C10orf90: variants seen among roughly 807,000 people sequenced by gnomAD.
C10orf90 encodes (E2-independent) E3 ubiquitin-conjugating enzyme FATS.
C10orf90 carries 56 observed loss-of-function variants against 62.5 expected under a neutral mutation model. The observed-to-expected ratio is 0.90, with a 90% CI of 0.72 to 1.12. The LOEUF (loss-of-function observed/expected upper bound fraction) is 1.12, where lower values mean the gene tolerates loss of function less well. Among genes scored for constraint, C10orf90 ranks in the 50% most tolerant of loss-of-function variants. The pLI, the probability that C10orf90 is intolerant of heterozygous loss-of-function variation, is 0.00. For synonymous variants in C10orf90, 386 were observed against 340.4 expected, an observed-to-expected ratio of 1.13 and a Z score of -1.47; for missense variants, 970 against 880.4, an observed-to-expected ratio of 1.10 and a Z score of -1.29.
At chr10:126,649,663 C>T (rs1846253247) in intron 1 of C10orf90, among the ~76,000 whole-genome samples, 1 of 152,162 alleles carries the variant, frequency 6.6e-6, no homozygotes, top group Non-Finnish European at 1.5e-5. Context: ...AGAGCACTTG[C>T]CTTGGTTTGT....
chr10:126,489,984 T>C (rs1717865120), intron 4 of C10orf90, among the ~76,000 whole-genome samples: 1 of 110,576 alleles, frequency 9.0e-6, no homozygotes, highest in Admixed American at 1.3e-4. Context: ...ATATAATATA[T>C]ATATAATATA....
chr10:126,657,406 C>T (rs182425408), intron 1 of C10orf90, among the ~76,000 whole-genome samples: 110 of 152,280 alleles, frequency 7.2e-4, no homozygotes, highest in Non-Finnish European at 1.2e-3. Flanking sequence ...CAGAGTACAA[C>T]AACGTTTGTC....
At chr10:126,666,417 A>C (rs374677440) in intron 1 of C10orf90, among the ~76,000 whole-genome samples, 1 of 152,236 alleles carries the variant, frequency 6.6e-6, no homozygotes, top group Non-Finnish European at 1.5e-5. Flanking sequence ...CCTAGTGTGC[A>C]AAGAAGCATG....
At chr10:126,655,995 A>ACAGAAAG (rs1376084658) in intron 1 of C10orf90, among the ~76,000 whole-genome samples, 1 of 152,100 alleles carries the variant, frequency 6.6e-6, no homozygotes, top group Non-Finnish European at 1.5e-5. Flanking sequence ...AGCCAGACTG[A>ACAGAAAG]CAGAAAGGAG....
In C10orf90 at chr10:126,456,556, T is replaced by C. The variant is rs1460000416; in HGVS notation, c.2188+2484A>G. Among the ~76,000 whole-genome samples the C allele has an allele frequency of 6.6e-6, 1 of 152,176 alleles. No individual in the cohort carries two copies. Among genetic ancestry groups the C allele is most frequent in the Non-Finnish European group, 1.5e-5 (1 of 68,028 alleles). ...GGGCAAACACCACAGTTGAATGATA[T>C]AATGAGTGTAATGATGTCGCCCCAA... On this transcript the variant is annotated intron_variant, in intron 7 of 9. Transcript: ENST00000488181. This position sits in a 1 kb window ranked among gnomAD's most constrained non-coding sequence, Gnocchi z 4.9.
chr10:126,506,193 A>G (rs1862722541), intron 3 of C10orf90, among the ~76,000 whole-genome samples: 1 of 152,236 alleles, frequency 6.6e-6, no homozygotes, highest in Admixed American at 6.5e-5. Flanking sequence ...TTGTCCTAAC[A>G]GTAAATTGCT....
chr10:126,490,772 A>G (rs1333008376), intron 4 of C10orf90, among the ~76,000 whole-genome samples: 1 of 152,136 alleles, frequency 6.6e-6, no homozygotes, highest in Non-Finnish European at 1.5e-5. Context: ...CACAGCTAAC[A>G]AAGGATAAAG....
chr10:126,502,886 T>C lies in C10orf90; in HGVS notation c.1534+1071A>G, dbSNP rs190953131. 2.3e-4 allele frequency: 111 copies of C among 489,802 alleles called. 1 individual carries two copies. Among genetic ancestry groups the C allele is most frequent in the Admixed American group, 1.6e-3 (66 of 41,870 alleles). 30.3% of individuals were successfully genotyped at this position (489,802 alleles called of 1,614,324 possible). ...AATCAATCTGAAAGCCATGCCAAAA[T>C]TGCCTTAAAAATCTCTGAGCATTCA... is the stretch of plus-strand genomic sequence containing the variant. On this transcript the variant is annotated intron_variant, in intron 4 of 9. Coordinates refer to ENST00000488181, the MANE Select transcript of C10orf90 (RefSeq NM_001350921.2).
intron 2 of C10orf90, among the ~76,000 whole-genome samples, chr10:126,541,460 T>C (rs1463698547): frequency 6.6e-6 from 1 of 151,778 alleles, no homozygotes; most frequent in Non-Finnish European, 1.5e-5. Context: ...CAAATAAAGG[T>C]TTAATATCCA....
Position 126,447,047 on chromosome 10 carries a change from A to G in C10orf90, c.2188+11993T>C, listed in dbSNP as rs201700084. The stretch of plus-strand genomic sequence containing the variant: ...TACACAGCAGACAAAAGAGAAATAA[A>G]CCAAAGCATGCTACTACATCAAACC... On this transcript the variant is annotated intron_variant, in intron 7 of 9. Coordinates refer to ENST00000488181, the MANE Select transcript of C10orf90 (RefSeq NM_001350921.2). Among the ~76,000 whole-genome samples, 3 of 152,118 alleles carry G rather than the reference A, an allele frequency of 2.0e-5. No homozygotes were observed. In the East Asian group the frequency reaches 5.8e-4, roughly 29 times the overall value.
At chr10:126,581,331 G>A (rs992189258) in intron 2 of C10orf90, among the ~76,000 whole-genome samples, 9 of 152,236 alleles carry the variant, frequency 5.9e-5, no homozygotes, top group Non-Finnish European at 1.2e-4. Flanking sequence ...AGAGCAGATA[G>A]TCTGACTCTA....
intron 2 of C10orf90, 25 bp downstream of exon 2, chr10:126,646,540 G>A (rs1448862839): frequency 7.6e-6 from 3 of 396,796 alleles, no homozygotes; most frequent in Admixed American, 3.1e-5. Flanking sequence ...AGGGAACCCT[G>A]CCTGGGCAGG....
intron 4 of C10orf90, among the ~76,000 whole-genome samples, chr10:126,471,069 T>A (rs2133766804): frequency 6.6e-6 from 1 of 152,022 alleles, no homozygotes; most frequent in East Asian, 1.9e-4. Flanking sequence ...TCAAAAAAGG[T>A]AGGAGGAGGC....
chr10:126,667,045 T>G lies in C10orf90; in HGVS notation c.240+3196A>C, dbSNP rs1262330398. Among the ~76,000 whole-genome samples, 5 of 151,744 alleles carry G rather than the reference T, an allele frequency of 3.3e-5. No individual in the cohort carries two copies. The South Asian group carries it at 6.3e-4, about 19-fold the overall frequency. On this transcript the variant is annotated intron_variant, in intron 1 of 9. Coordinates refer to ENST00000488181, the MANE Select transcript of C10orf90 (RefSeq NM_001350921.2). ...TCAGCACTACTGGCTAAACCCAATT[T>G]TTTTTTGTTTGTTTTGTTTTGTTTT... is the stretch of plus-strand genomic sequence containing the variant.
chr10:126,555,964 T>C (rs899846267), intron 2 of C10orf90, among the ~76,000 whole-genome samples: 2 of 152,118 alleles, frequency 1.3e-5, no homozygotes, highest in African/African-American at 2.4e-5. Flanking sequence ...GCCATAAATC[T>C]CCTAAAATAA....
At position 126,518,546 on chromosome 10, in the gene C10orf90, A is replaced by C. The variant is rs866623919; in HGVS notation, c.314-4607T>G. ...TGGTTTCAATTCAAATAAAACCGTC[A>C]TAGAAAAAAAAAACAAACATCATGA... is the stretch of plus-strand genomic sequence containing the variant. On this transcript the variant is annotated intron_variant, in intron 2 of 9. Transcript: ENST00000488181. Among the ~76,000 whole-genome samples the C allele has an allele frequency of 2.6e-5, 4 of 152,240 alleles. No homozygotes were observed. In the East Asian group the frequency reaches 5.8e-4, roughly 22 times the overall value.
intron 2 of C10orf90, among the ~76,000 whole-genome samples, chr10:126,632,306 A>G (rs1254391949): frequency 6.6e-6 from 1 of 152,022 alleles, no homozygotes; most frequent in Non-Finnish European, 1.5e-5. Context: ...CTCCCAAGCT[A>G]GCAGGCATCC....
intron 1 of C10orf90, among the ~76,000 whole-genome samples, chr10:126,649,034 GTCTC>G (rs1196569277): frequency 0.018 from 486 of 26,492 alleles, 5 homozygotes; most frequent in Middle Eastern, 0.056. Flanking sequence ...CTCTGTCTCT[GTCTC>G]TCTCTCTCTC....
intron 2 of C10orf90, among the ~76,000 whole-genome samples, chr10:126,541,184 C>G (rs912469990): frequency 7.3e-5 from 11 of 151,702 alleles, no homozygotes; most frequent in Non-Finnish European, 1.2e-4. Flanking sequence ...AATATTCTGG[C>G]TATAAAAGTA....
Sources: gnomAD v4.1 joint callset for allele counts (sites outside exome capture counted in the v4.1 genomes callset) on GRCh38, gnomAD v4.1.1 for gene constraint, Gnocchi (gnomAD v3.1) non-coding constraint, MANE v1.5 for transcripts, NCBI Gene and HGNC (gene_info 2026-07-23, HGNC 2026-07-21) for gene names.